Variants in UBAP2 observed in about 807,000 individuals in gnomAD.
UBAP2 encodes the protein ubiquitin-associated protein 2.
UBAP2 carries 75 observed loss-of-function variants against 139.6 expected under a neutral mutation model. That is an observed-to-expected ratio of 0.54 (90% CI 0.45 to 0.65). The LOEUF is 0.65. UBAP2 is among the 30% of genes least tolerant of loss of function. UBAP2 has a pLI of 0.00. For synonymous variants in UBAP2, 526 were observed against 526.2 expected (o/e 1.00, Z 0.01); for missense variants, 1,368 against 1,369.6 (o/e 1.00, Z 0.02).
intron 10 of UBAP2, among the ~76,000 whole-genome samples, chr9:33,956,583 C>T (rs1017043629): frequency 6.6e-6 from 1 of 152,038 alleles, no homozygotes; most frequent in African/African-American, 2.4e-5. Context: ...CCCACCTTGA[C>T]CTCCCAAAGT....
At position 33,923,316 on chromosome 9, in the gene UBAP2, G is replaced by A. The variant is rs753156416; in HGVS notation, c.2897-23C>T. The A allele has an allele frequency of 4.3e-6, 7 of 1,613,842 alleles. No homozygotes were observed. In the African/African-American group the frequency reaches 9.3e-5, roughly 22 times the overall value. The stretch of plus-strand genomic sequence containing the variant: ...AACCTAGCGTGGCAGGGTACAAGAG[G>A]CAAGTGTGAGCCAGGCAAGCCTGTC... On this transcript the variant is annotated intron_variant, in intron 25 of 28. Coordinates refer to ENST00000379238, the MANE Select transcript of UBAP2 (RefSeq NM_001370062.2).
At chr9:33,955,278 T>TA (rs1376012735) in intron 11 of UBAP2, among the ~76,000 whole-genome samples, 2 of 151,984 alleles carry the variant, frequency 1.3e-5, no homozygotes, top group African/African-American at 4.8e-5. Context: ...CCCAGCACTT[T>TA]AGGAGGCCGA....
intron 2 of UBAP2, among the ~76,000 whole-genome samples, chr9:34,003,666 C>G (rs1008298253): frequency 1.3e-5 from 2 of 152,094 alleles, no homozygotes; most frequent in African/African-American, 4.8e-5. Context: ...CTTGCCCTCC[C>G]AAAGTGCTGG....
At chr9:34,040,980 AC>A (rs1225837132) in intron 1 of UBAP2, among the ~76,000 whole-genome samples, 103 of 151,880 alleles carry the variant, frequency 6.8e-4, no homozygotes, top group African/African-American at 2.5e-3. Flanking sequence ...CAAAAATTCC[AC>A]TCTCAGTTAT....
At chr9:33,956,293 A>C in intron 10 of UBAP2, 147 bp from the exon 11 acceptor site, 1 of 529,112 alleles carries the variant, frequency 1.9e-6, no homozygotes, top group East Asian at 3.3e-5. Flanking sequence ...AGTGACCATG[A>C]CAAGTAATTT....
At chr9:33,978,285 G>C (rs942676818) in intron 6 of UBAP2, among the ~76,000 whole-genome samples, 2 of 151,880 alleles carry the variant, frequency 1.3e-5, no homozygotes, top group African/African-American at 4.8e-5. Flanking sequence ...TGTAATCCCA[G>C]CACCTTGGTA....
At chr9:34,019,246 T>C (rs1824680400) in intron 1 of UBAP2, among the ~76,000 whole-genome samples, 1 of 151,780 alleles carries the variant, frequency 6.6e-6, no homozygotes, top group South Asian at 2.1e-4. Context: ...CTACTAAAAA[T>C]ACAAAAATTA....
intron 1 of UBAP2, among the ~76,000 whole-genome samples, chr9:34,024,957 C>T (rs1231374206): frequency 6.6e-6 from 1 of 151,730 alleles, no homozygotes; most frequent in African/African-American, 2.4e-5. Flanking sequence ...ACACTCCAAT[C>T]GGGGCGACAG....
At chr9:34,006,453 G>A (rs1343746474) in intron 2 of UBAP2, among the ~76,000 whole-genome samples, 1 of 152,166 alleles carries the variant, frequency 6.6e-6, no homozygotes, top group Admixed American at 6.5e-5. Context: ...GCTGAGGCAG[G>A]CAGATTGCTC....
intron 2 of UBAP2, among the ~76,000 whole-genome samples, chr9:34,010,551 G>C (rs368883735): frequency 1.3e-5 from 2 of 151,372 alleles, no homozygotes; most frequent in East Asian, 3.9e-4. Context: ...TAAAAACTTA[G>C]ATAAAATAAT....
intron 19 of UBAP2, among the ~76,000 whole-genome samples, chr9:33,930,319 C>T (rs1823857138): frequency 1.3e-5 from 2 of 151,614 alleles, no homozygotes. Flanking sequence ...TGACCCGCTA[C>T]ATACAGCTAT....
At chr9:34,030,010 A>G (rs114585749) in intron 1 of UBAP2, among the ~76,000 whole-genome samples, 2,407 of 150,282 alleles carry the variant, frequency 0.016, 55 homozygotes, top group African/African-American at 0.055. Flanking sequence ...AGAAAGAAAT[A>G]CATACATAGG....
chr9:34,001,830 T>C (rs966384943), intron 2 of UBAP2, among the ~76,000 whole-genome samples: 1 of 152,138 alleles, frequency 6.6e-6, no homozygotes, highest in African/African-American at 2.4e-5. Flanking sequence ...GCACCACTGA[T>C]GCTCATCCCT....
intron 12 of UBAP2, among the ~76,000 whole-genome samples, chr9:33,950,224 C>G (rs1242902147): frequency 2.0e-5 from 3 of 152,066 alleles, no homozygotes; most frequent in Non-Finnish European, 4.4e-5. Flanking sequence ...CACCACCACG[C>G]CCGGCTTTTT....
chr9:33,987,280 C>T (rs1332372403), intron 5 of UBAP2, among the ~76,000 whole-genome samples: 3 of 152,156 alleles, frequency 2.0e-5, no homozygotes, highest in South Asian at 4.1e-4. Context: ...AGTGTGGTGG[C>T]GCGCACCTAT....
chr9:33,928,466 G>A lies in UBAP2; in HGVS notation c.2176-474C>T, dbSNP rs41305331. ...CTTTTGGAGATTTCCCTTCTATTGG[G>A]ATTCTCAGCCACTGTGGTCTGGAAA... On this transcript the variant is annotated intron_variant, in intron 19 of 28. Transcript: ENST00000379238. 283 of 154,468 alleles carry A rather than the reference G, an allele frequency of 1.8e-3. 2 individuals carry two copies. The highest frequency in any genetic ancestry group is 0.014 in the South Asian group (68 of 4,952). The allele number at this position is 154,468 out of a possible 1,614,324, so 9.6% of individuals were successfully genotyped here.
At chr9:33,992,383 C>A (rs1359816055) in intron 4 of UBAP2, among the ~76,000 whole-genome samples, 3 of 76,610 alleles carry the variant, frequency 3.9e-5, no homozygotes, top group Non-Finnish European at 7.5e-5. Flanking sequence ...GAGCAAAACT[C>A]CATCTCAAAA....
At chr9:34,034,279 G>A (rs188796461) in intron 1 of UBAP2, among the ~76,000 whole-genome samples, 207 of 152,190 alleles carry the variant, frequency 1.4e-3, no homozygotes, top group African/African-American at 4.6e-3. Context: ...TTTCATTATA[G>A]TTCTTCAACT....
At chr9:33,960,418 G>T (rs953891022) in intron 10 of UBAP2, among the ~76,000 whole-genome samples, 4 of 152,142 alleles carry the variant, frequency 2.6e-5, no homozygotes, top group African/African-American at 9.7e-5. Flanking sequence ...AAGAAGCCAA[G>T]ATGAGATAAG....
Sources: allele counts gnomAD v4.1 joint callset (sites outside exome capture counted in the v4.1 genomes callset), GRCh38; gene constraint gnomAD v4.1.1; transcripts MANE v1.5; gene names NCBI Gene and HGNC (gene_info 2026-07-23, HGNC 2026-07-21).